Variants in SAMD4A observed in about 807,000 individuals in gnomAD.
SAMD4A encodes the protein protein Smaug homolog 1.
In SAMD4A, 33 loss-of-function variants were observed where a neutral mutation model predicts 81.3. That is an observed-to-expected ratio of 0.41 (90% confidence interval 0.31 to 0.54). SAMD4A has a LOEUF of 0.54. Among genes scored for constraint, SAMD4A ranks in the 20% least tolerant of loss-of-function variants. The pLI, the probability that SAMD4A is intolerant of heterozygous loss-of-function variation, is 0.37. For missense variants in SAMD4A, 854 were observed against 951.1 expected (o/e 0.90, Z 1.34); for synonymous variants, 389 against 382.1 (o/e 1.02, Z -0.21).
chr14:54,682,841 T>A (rs976624572), intron 2 of SAMD4A, among the ~76,000 whole-genome samples: 1 of 152,210 alleles, frequency 6.6e-6, no homozygotes, highest in Non-Finnish European at 1.5e-5. Flanking sequence ...CAATGCTGTA[T>A]GTAATAGGCC....
intron 2 of SAMD4A, among the ~76,000 whole-genome samples, chr14:54,640,015 C>G (rs1454546193): frequency 7.1e-6 from 1 of 140,768 alleles, no homozygotes; most frequent in African/African-American, 2.7e-5. Context: ...ACCAAAATAT[C>G]TATGTTTGAT....
chr14:54,775,987 C>T (rs1220502871), intron 10 of SAMD4A, among the ~76,000 whole-genome samples: 1 of 147,718 alleles, frequency 6.8e-6, no homozygotes, highest in African/African-American at 2.5e-5. Context: ...TTCTCTCCCC[C>T]TCGCTTTGGA....
intron 4 of SAMD4A, among the ~76,000 whole-genome samples, chr14:54,744,602 A>T (rs1015192743): frequency 3.9e-5 from 6 of 152,182 alleles, no homozygotes; most frequent in Non-Finnish European, 4.4e-5. Context: ...TGAAGGATGA[A>T]GACTGTGGGA....
intron 9 of SAMD4A, among the ~76,000 whole-genome samples, chr14:54,772,064 A>G (rs555367549): frequency 8.3e-4 from 126 of 152,362 alleles, no homozygotes; most frequent in African/African-American, 2.9e-3. Flanking sequence ...TTTTATACTC[A>G]TAAGTATTTC....
intron 2 of SAMD4A, among the ~76,000 whole-genome samples, chr14:54,681,317 A>G (rs556630864): frequency 8.5e-5 from 13 of 152,318 alleles, no homozygotes; most frequent in African/African-American, 3.1e-4. Flanking sequence ...TGAAAAAAGT[A>G]CTCCACAGAT....
In SAMD4A at chr14:54,760,435, C is replaced by T. The variant is rs769717966; in HGVS notation, c.1451C>T (p.Ala484Val). 3.5e-6 allele frequency: 5 copies of T among 1,429,804 alleles called. No individual in the cohort carries two copies. Among genetic ancestry groups the T allele is most frequent in the Non-Finnish European group, 4.5e-6 (5 of 1,101,416 alleles). 88.6% of individuals were successfully genotyped at this position (1,429,804 alleles called of 1,614,324 possible). Residue 484 changes from alanine to valine, a missense_variant, in exon 7 of 13, where the codon GCC (alanine) becomes GTC (valine). By Grantham distance (64) the Ala-to-Val change is moderately conservative. Coordinates refer to ENST00000554335, the MANE Select transcript of SAMD4A (RefSeq NM_015589.6). The stretch of plus-strand genomic sequence containing the variant: ...CTGAGCAGCTGCGATGGGGAGCTGG[C>T]CGTCGCCCCCCTGCCAGAGGGGGAC... Reference protein sequence around the residue: ...HQLSSCDGELAVAPLPEGDLP... With the variant: ...HQLSSCDGELVVAPLPEGDLP...
In SAMD4A at chr14:54,789,184, G is replaced by T; in HGVS notation, c.*240G>T. ...GGGATGGTTTGGTGTGTGGGGTGGGGAGGGGTCTCTAGGGAATTATGAGAC... is the reference window on the plus strand; with the variant it reads ...GGGATGGTTTGGTGTGTGGGGTGGGTAGGGGTCTCTAGGGAATTATGAGAC... On this transcript the variant is annotated 3_prime_UTR_variant, in exon 13 of 13. Transcript: ENST00000554335. 5.9e-6 allele frequency: 3 copies of T among 512,192 alleles called. No individual in the cohort carries two copies. Among genetic ancestry groups the T allele is most frequent in the Non-Finnish European group, 3.6e-6 (1 of 280,712 alleles). 31.7% of individuals were successfully genotyped at this position (512,192 alleles called of 1,614,324 possible).
chr14:54,788,885 T>G lies in SAMD4A; in HGVS notation c.2129-31T>G, dbSNP rs767891274. ...CACGAACTGGATTGTTTTGCTCACC[T>G]GTGCCCATCGTTTGCTGCTTTCTCT... is the stretch of plus-strand genomic sequence containing the variant. On this transcript the variant is annotated intron_variant, in intron 12 of 12. Transcript: ENST00000554335. The G allele has an allele frequency of 4.3e-6, 7 of 1,614,068 alleles. No individual in the cohort carries two copies. The Admixed American group carries it at 6.7e-5, about 15-fold the overall frequency.
Position 54,790,210 on chromosome 14 carries a change from GC to G in SAMD4A, c.*1269del, listed in dbSNP as rs2039235746. On this transcript the variant is annotated 3_prime_UTR_variant, in exon 13 of 13. Coordinates refer to ENST00000554335, the MANE Select transcript of SAMD4A (RefSeq NM_015589.6). ...TGCTGAGGGAGAGGAGGGGAGAAAG[GC>G]CCAGCAACAGCGTACAGAGGGGTCA... 1 of 152,414 alleles carries G rather than the reference GC, an allele frequency of 6.6e-6. No homozygotes were observed. Among genetic ancestry groups the G allele is most frequent in the Admixed American group, 6.5e-5 (1 of 15,280 alleles). 9.4% of individuals were successfully genotyped at this position (152,414 alleles called of 1,614,324 possible).
chr14:54,613,009 C>CGGGAGGCT (rs2034398932), intron 2 of SAMD4A, among the ~76,000 whole-genome samples: 1 of 151,882 alleles, frequency 6.6e-6, no homozygotes, highest in African/African-American at 2.4e-5. Flanking sequence ...CCCAGCTACT[C>CGGGAGGCT]GGGAGGCTGA....
chr14:54,614,700 G>C (rs746240094), intron 2 of SAMD4A, among the ~76,000 whole-genome samples: 1 of 151,760 alleles, frequency 6.6e-6, no homozygotes, highest in African/African-American at 2.4e-5. Context: ...GCCCTTTTTT[G>C]CCTCAGGAAT....
At chr14:54,631,143 G>A (rs1372658161) in intron 2 of SAMD4A, among the ~76,000 whole-genome samples, 1 of 152,038 alleles carries the variant, frequency 6.6e-6, no homozygotes, top group Non-Finnish European at 1.5e-5. Context: ...TTCAAGGGCA[G>A]CCAAGCAGGA....
chr14:54,662,697 A>G (rs1222768862), intron 2 of SAMD4A, among the ~76,000 whole-genome samples: 1 of 151,992 alleles, frequency 6.6e-6, no homozygotes, highest in South Asian at 2.1e-4. Flanking sequence ...TTACTTCCTG[A>G]GCCACTGCAC....
intron 2 of SAMD4A, among the ~76,000 whole-genome samples, chr14:54,597,424 G>A (rs1235710766): frequency 6.6e-6 from 1 of 151,548 alleles, no homozygotes; most frequent in Non-Finnish European, 1.5e-5. Context: ...ACAGGCATGC[G>A]CCACCACACT....
chr14:54,759,599 T>C (rs55972091), intron 6 of SAMD4A, among the ~76,000 whole-genome samples: 13,581 of 152,244 alleles, frequency 0.089, 906 homozygotes, highest in East Asian at 0.28. Context: ...GCTCATTTTG[T>C]ACACAGAGAA....
At chr14:54,769,534 GAGA>G (rs1236479851) in intron 8 of SAMD4A, among the ~76,000 whole-genome samples, 1 of 152,198 alleles carries the variant, frequency 6.6e-6, no homozygotes, top group Non-Finnish European at 1.5e-5. Flanking sequence ...CTAAACTTTA[GAGA>G]AGGTTTAAGT....
intron 2 of SAMD4A, chr14:54,685,513 A>G (rs11847164): frequency 0.21 from 76,422 of 357,860 alleles, 9,092 homozygotes; most frequent in African/African-American, 0.34. Flanking sequence ...GTTGATGGAC[A>G]TTTGGGTTGC....
Position 54,602,471 on chromosome 14 carries a change from A to G in SAMD4A, c.196+34359A>G, listed in dbSNP as rs573413155. On this transcript the variant is annotated intron_variant, in intron 2 of 12. Coordinates refer to ENST00000554335, the MANE Select transcript of SAMD4A (RefSeq NM_015589.6). Reference sequence around the variant, plus strand: ...CTTCTGGTTGCGTGGAACAGAAACTAGTACAAGCTAGCTTAAGGAGATGAA... The same window carrying G: ...CTTCTGGTTGCGTGGAACAGAAACTGGTACAAGCTAGCTTAAGGAGATGAA... 3.0e-4 allele frequency among the ~76,000 whole-genome samples: 45 copies of G among 152,162 alleles called. 1 individual carries two copies. In the South Asian group the frequency reaches 8.9e-3, roughly 30 times the overall value.
intron 2 of SAMD4A, among the ~76,000 whole-genome samples, chr14:54,583,082 T>C (rs2033516583): frequency 6.6e-6 from 1 of 152,184 alleles, no homozygotes; most frequent in Non-Finnish European, 1.5e-5. Flanking sequence ...TAGCTGGGGC[T>C]ACAGGCGTGT....
Sources: gnomAD v4.1 joint callset for allele counts (sites outside exome capture counted in the v4.1 genomes callset) on GRCh38, gnomAD v4.1.1 for gene constraint, MANE v1.5 for transcripts, NCBI Gene and HGNC (gene_info 2026-07-23, HGNC 2026-07-21) for gene names.